PTCHD4: variants seen among roughly 807,000 people sequenced by gnomAD.
The protein encoded by PTCHD4 is patched domain-containing protein 4.
Under a neutral mutation model 58.1 loss-of-function variants are expected in PTCHD4, and 33 were observed. The observed-to-expected ratio is 0.57, with a 90% CI of 0.43 to 0.76. The LOEUF (loss-of-function observed/expected upper bound fraction) is 0.76, where lower values mean the gene tolerates loss of function less well. Among genes scored for constraint, PTCHD4 ranks in the 30% least tolerant of loss-of-function variants. The pLI is 0.00. For missense variants in PTCHD4, 1,058 were observed against 1,027.1 expected, an observed-to-expected ratio of 1.03 and a Z score of -0.41; for synonymous variants, 478 against 409.6, an observed-to-expected ratio of 1.17 and a Z score of -2.02.
intron 4 of PTCHD4, among the ~76,000 whole-genome samples, chr6:47,961,536 C>T (rs1312950735): frequency 6.6e-6 from 1 of 152,030 alleles, no homozygotes; most frequent in East Asian, 1.9e-4. Flanking sequence ...TCAAGTGATT[C>T]AGCTGCCTCA....
At chr6:48,041,327 C>G (rs1473031987) in intron 3 of PTCHD4, among the ~76,000 whole-genome samples, 2 of 152,052 alleles carry the variant, frequency 1.3e-5, no homozygotes, top group Non-Finnish European at 2.9e-5. Flanking sequence ...AGTTCCCTAT[C>G]AAATAACCCA....
chr6:48,048,608 GTGCCAGTGACTAGGTTT>G (rs1406886815), intron 3 of PTCHD4, among the ~76,000 whole-genome samples: 2 of 151,810 alleles, frequency 1.3e-5, no homozygotes, highest in Non-Finnish European at 2.9e-5. Flanking sequence ...TCCCTCCTTT[GTGCCAGTGACTAGGTTT>G]TGCAGTATTA....
At position 48,030,436 on chromosome 6, in the gene PTCHD4, A is replaced by C. The variant is rs186193530; in HGVS notation, c.418-21322T>G. The stretch of plus-strand genomic sequence containing the variant: ...TTGAATATCTGGCTACAACTCTTGA[A>C]ACTAACATTCTAATTTTTATCCTAC... On this transcript the variant is annotated intron_variant, in intron 3 of 4. Coordinates refer to ENST00000339488, the MANE Select transcript of PTCHD4 (RefSeq NM_001384253.1). Among the ~76,000 whole-genome samples the C allele has an allele frequency of 7.1e-3, 1,087 of 152,218 alleles. 18 individuals are homozygous for C. Among genetic ancestry groups the C allele is most frequent in the Non-Finnish European group, 8.2e-3 (557 of 68,010 alleles).
chr6:47,935,547 A>G (rs1002626263), intron 4 of PTCHD4, among the ~76,000 whole-genome samples: 2 of 152,190 alleles, frequency 1.3e-5, no homozygotes, highest in African/African-American at 4.8e-5. Context: ...CTCAAACCCC[A>G]AGAAAGCATT....
chr6:48,068,671 G>C lies in PTCHD4; in HGVS notation c.6-30C>G. 1 of 1,519,554 alleles carries C rather than the reference G, an allele frequency of 6.6e-7. No homozygotes were observed. The highest frequency in any genetic ancestry group is 8.8e-7 in the Non-Finnish European group (1 of 1,138,244). 94.1% of individuals were successfully genotyped at this position (1,519,554 alleles called of 1,614,324 possible). A position where few individuals can be genotyped will look rare whatever the true frequency, so the allele number is the denominator to read the frequency against. ...AAAAGCACATGTGACATGTGTAAGC[G>C]CCGGGCTACCCCGTTCTCCCCCATC... On this transcript the variant is annotated intron_variant, in intron 2 of 4. Transcript: ENST00000339488. The surrounding 1 kb of genome is among the most constrained non-coding windows in gnomAD (Gnocchi z 4.2).
At chr6:48,016,892 G>A (rs764922520) in intron 3 of PTCHD4, among the ~76,000 whole-genome samples, 18 of 152,334 alleles carry the variant, frequency 1.2e-4, no homozygotes, top group Non-Finnish European at 2.4e-4. Context: ...TTCCTCCTAT[G>A]TACTAGGTTG....
At chr6:47,920,063 G>T (rs1341945630) in intron 4 of PTCHD4, among the ~76,000 whole-genome samples, 2 of 152,128 alleles carry the variant, frequency 1.3e-5, no homozygotes, top group Non-Finnish European at 2.9e-5. Context: ...GAGCCTCCCT[G>T]TTAGAAATAA....
Position 48,068,264 on chromosome 6 carries a change from A to T in PTCHD4, c.383T>A (p.Ile128Asn), listed in dbSNP as rs753771460. Residue 128 changes from isoleucine to asparagine, a missense_variant, in exon 3 of 5, where the codon ATC becomes AAC. Transcript: ENST00000339488. The surrounding 1 kb of genome is among the most constrained non-coding windows in gnomAD (Gnocchi z 4.2). Reference protein sequence around the residue: ...GDNILLQAEGILQTHRAVLEM... With the variant: ...GDNILLQAEGNLQTHRAVLEM... ...CAGCACGGCTCGGTGGGTCTGCAGG[A>T]TCCCCTCAGCCTGGAGCAAAATATT... 2 of 1,595,854 alleles carry T rather than the reference A, an allele frequency of 1.3e-6. No individual in the cohort carries two copies. Among genetic ancestry groups the T allele is most frequent in the East Asian group, 2.3e-5 (1 of 44,404 alleles).
Position 47,859,670 on chromosome 6 carries a change from T to C in PTCHD4, c.*18633A>G, listed in dbSNP as rs542341866. ...ATCTCTGCCCCCTTAGAGCTTTCAATTTACTGGGGACAGACAGACAATAAA... is the reference window on the plus strand; with the variant it reads ...ATCTCTGCCCCCTTAGAGCTTTCAACTTACTGGGGACAGACAGACAATAAA... On this transcript the variant is annotated 3_prime_UTR_variant, in exon 5 of 5. Transcript: ENST00000339488. 5.3e-4 allele frequency among the ~76,000 whole-genome samples: 81 copies of C among 152,022 alleles called. No individual in the cohort carries two copies. Among genetic ancestry groups the C allele is most frequent in the African/African-American group, 1.9e-3 (78 of 41,500 alleles).
At chr6:47,885,748 A>T (rs1163433052) in intron 4 of PTCHD4, among the ~76,000 whole-genome samples, 1 of 152,208 alleles carries the variant, frequency 6.6e-6, no homozygotes, top group Non-Finnish European at 1.5e-5. Context: ...GTAAGCTTCC[A>T]TATTGTAATT....
intron 3 of PTCHD4, among the ~76,000 whole-genome samples, chr6:48,032,629 A>G (rs1763489568): frequency 2.0e-5 from 3 of 152,166 alleles, no homozygotes; most frequent in South Asian, 4.1e-4. Flanking sequence ...TTTTCTGGTT[A>G]TAATAAAATG....
chr6:47,985,361 T>C (rs1229559552), intron 4 of PTCHD4, among the ~76,000 whole-genome samples: 1 of 152,122 alleles, frequency 6.6e-6, no homozygotes, highest in Non-Finnish European at 1.5e-5. Flanking sequence ...TTTTATGAAG[T>C]AGCTAGCTAG....
chr6:47,925,736 G>T (rs1219607419), intron 4 of PTCHD4, among the ~76,000 whole-genome samples: 2 of 152,114 alleles, frequency 1.3e-5, no homozygotes, highest in African/African-American at 2.4e-5. Context: ...CAATAAATTT[G>T]CATGGCCCTT....
intron 1 of PTCHD4, among the ~76,000 whole-genome samples, chr6:48,099,593 T>C (rs1251476337): frequency 6.6e-6 from 1 of 152,198 alleles, no homozygotes; most frequent in African/African-American, 2.4e-5. Context: ...AGCCATATTT[T>C]TCTCGTGATC....
chr6:47,866,213 C>T lies in PTCHD4; in HGVS notation c.*12090G>A, dbSNP rs1257728202. ...TTAAAACTTCACTTAATAAAAGGCT[C>T]TATCAGTATTTATTGGATTAAATGT... On this transcript the variant is annotated 3_prime_UTR_variant, in exon 5 of 5. Transcript: ENST00000339488. 6.6e-6 allele frequency among the ~76,000 whole-genome samples: 1 copy of T among 151,868 alleles called. No individual in the cohort carries two copies. Among genetic ancestry groups the T allele is most frequent in the African/African-American group, 2.4e-5 (1 of 41,394 alleles).
Position 47,862,904 on chromosome 6 carries a change from A to G in PTCHD4, c.*15399T>C, listed in dbSNP as rs557799564. 7.0e-4 allele frequency among the ~76,000 whole-genome samples: 107 copies of G among 152,032 alleles called. No individual in the cohort carries two copies. Among genetic ancestry groups the G allele is most frequent in the African/African-American group, 2.3e-3 (97 of 41,550 alleles). ...AGATGCTCCATGAACATAATGACCCATGGTCAATTATATCTGGGAAATCAA... is the reference window on the plus strand; with the variant it reads ...AGATGCTCCATGAACATAATGACCCGTGGTCAATTATATCTGGGAAATCAA... On this transcript the variant is annotated 3_prime_UTR_variant, in exon 5 of 5. Coordinates refer to ENST00000339488, the MANE Select transcript of PTCHD4 (RefSeq NM_001384253.1).
intron 4 of PTCHD4, chr6:47,902,055 C>T (rs1764727010): frequency 2.1e-6 from 1 of 485,542 alleles, no homozygotes; most frequent in Non-Finnish European, 3.6e-6. Flanking sequence ...CCATCATCAA[C>T]AACAACAGCA....
chr6:48,095,793 T>C (rs1765459549), intron 1 of PTCHD4, among the ~76,000 whole-genome samples: 1 of 149,532 alleles, frequency 6.7e-6, no homozygotes, highest in Admixed American at 6.6e-5. Context: ...GTGAGTGAAA[T>C]TCATTGGTAG....
intron 3 of PTCHD4, among the ~76,000 whole-genome samples, chr6:48,038,152 G>A (rs760902630): frequency 1.3e-5 from 2 of 152,030 alleles, no homozygotes; most frequent in Non-Finnish European, 2.9e-5. Flanking sequence ...GGAAGGAATA[G>A]AAGATGATGA....
Sources: gnomAD v4.1 joint callset for allele counts (sites outside exome capture counted in the v4.1 genomes callset) on GRCh38, gnomAD v4.1.1 for gene constraint, Gnocchi (gnomAD v3.1) non-coding constraint, MANE v1.5 for transcripts, NCBI Gene and HGNC (gene_info 2026-07-23, HGNC 2026-07-21) for gene names.